Variants in MDGA2 observed in about 807,000 individuals in gnomAD.
MDGA2 encodes MAM domain-containing glycosylphosphatidylinositol anchor protein 2.
In MDGA2, 40 loss-of-function variants were observed where a neutral mutation model predicts 117.8. The observed-to-expected ratio is 0.34, with a 90% CI of 0.26 to 0.44. The LOEUF is 0.44. Ranked by LOEUF, MDGA2 falls within the 20% of genes least tolerant of loss-of-function variation. The pLI is 1.00. For missense variants in MDGA2, 1,123 were observed against 1,250.6 expected (o/e 0.90, Z 1.54); for synonymous variants, 452 against 439.0 (o/e 1.03, Z -0.37).
At chr14:47,519,930 T>C (rs761849951) in intron 1 of MDGA2, among the ~76,000 whole-genome samples, 8 of 152,208 alleles carry the variant, frequency 5.3e-5, no homozygotes, top group African/African-American at 9.7e-5. Context: ...TGTTTCTTGA[T>C]AATAAACTCT....
intron 2 of MDGA2, among the ~76,000 whole-genome samples, chr14:47,245,017 T>C (rs1207165613): frequency 6.6e-6 from 1 of 151,700 alleles, no homozygotes; most frequent in East Asian, 1.9e-4. Context: ...TCTCTTTTCA[T>C]TTCTTTTTTT....
At chr14:46,888,718 T>G (rs1882762913) in intron 10 of MDGA2, among the ~76,000 whole-genome samples, 1 of 151,698 alleles carries the variant, frequency 6.6e-6, no homozygotes, top group Admixed American at 6.6e-5. Flanking sequence ...TCCTCTTTTT[T>G]TTTTTTCTTG....
At chr14:47,482,407 C>T (rs1265920229) in intron 1 of MDGA2, among the ~76,000 whole-genome samples, 1 of 152,100 alleles carries the variant, frequency 6.6e-6, no homozygotes, top group African/African-American at 2.4e-5. Flanking sequence ...CTGGAGGAAA[C>T]ACCAAACGGA....
At chr14:46,969,191 C>A (rs141312822) in intron 8 of MDGA2, among the ~76,000 whole-genome samples, 17,932 of 152,026 alleles carry the variant, frequency 0.12, 2,000 homozygotes, top group African/African-American at 0.27. Context: ...GCTATTGTGA[C>A]TATTGCCGCA....
intron 2 of MDGA2, among the ~76,000 whole-genome samples, chr14:47,228,212 T>TA (rs1053479353): frequency 7.9e-5 from 12 of 152,230 alleles, no homozygotes; most frequent in Admixed American, 2.6e-4. Context: ...ACATGTTTCA[T>TA]AACTTGAAAA....
At position 46,877,490 on chromosome 14, in the gene MDGA2, C is replaced by T; in HGVS notation, c.2436G>A (p.Leu812=). The T allele has an allele frequency of 6.7e-7, 1 of 1,488,984 alleles. No homozygotes were observed. Among genetic ancestry groups the T allele is most frequent in the Non-Finnish European group, 9.2e-7 (1 of 1,087,702 alleles). The allele number at this position is 1,488,984 out of a possible 1,614,324, so 92.2% of individuals were successfully genotyped here. The change falls in exon 12 of 17, where the codon TTG becomes TTA. Residue 812 remains leucine (L), a splice_region_variant and synonymous_variant. Coordinates refer to ENST00000399232, the MANE Select transcript of MDGA2 (RefSeq NM_001113498.3). ...IKYSAPVNPH[L]REFHCGFEDG... is the part of the protein sequence containing the mutation. ...TTTTGTAAGTTAAAATATACTTACT[C>T]AAATGAGGATTTACAGGAGCTACAA...
chr14:47,506,603 G>A (rs1166087336), intron 1 of MDGA2, among the ~76,000 whole-genome samples: 1 of 152,212 alleles, frequency 6.6e-6, no homozygotes, highest in African/African-American at 2.4e-5. Flanking sequence ...TTCCAGGCCT[G>A]TCCTGTGCTG....
chr14:47,586,773 A>T lies in MDGA2; in HGVS notation c.280+87744T>A, dbSNP rs77999245. 6.2e-3 allele frequency among the ~76,000 whole-genome samples: 941 copies of T among 152,044 alleles called. 10 individuals carry two copies. Among genetic ancestry groups the T allele is most frequent in the African/African-American group, 0.02 (848 of 41,522 alleles). ...CAGAAGCTTGCAGGAGGACAGCAAC[A>T]TAAGGAAATTGAGTACCTAGCAGAC... On this transcript the variant is annotated intron_variant, in intron 1 of 16. Coordinates refer to ENST00000399232, the MANE Select transcript of MDGA2 (RefSeq NM_001113498.3).
At chr14:47,359,058 T>A (rs377248858) in intron 1 of MDGA2, among the ~76,000 whole-genome samples, 70 of 152,248 alleles carry the variant, frequency 4.6e-4, no homozygotes, top group Middle Eastern at 3.4e-3. Context: ...ATGTCCTAAT[T>A]TTAAATTATA....
At chr14:47,001,000 C>G (rs35594631) in intron 8 of MDGA2, among the ~76,000 whole-genome samples, 19,591 of 151,852 alleles carry the variant, frequency 0.13, 1,356 homozygotes, top group Admixed American at 0.21. Context: ...ATCATCAGCC[C>G]AAGATGTGGA....
intron 5 of MDGA2, among the ~76,000 whole-genome samples, chr14:47,128,849 C>G (rs1882039806): frequency 6.6e-6 from 1 of 151,884 alleles, no homozygotes; most frequent in Admixed American, 6.6e-5. Flanking sequence ...CGCCTGCCAC[C>G]ATGCCCGGCT....
rs75614439 is a variant in MDGA2, at chr14:47,650,260, C to T, written c.280+24257G>A. Among the ~76,000 whole-genome samples the T allele has an allele frequency of 2.9e-4, 44 of 152,296 alleles. No individual in the cohort carries two copies. In the East Asian group the frequency reaches 8.1e-3, roughly 28 times the overall value. On this transcript the variant is annotated intron_variant, in intron 1 of 16. Transcript: ENST00000399232. ...TTAGGCTGGAACTACGTCCTCAGCT[C>T]TCCTGGGTCTCCACTTTGCCAGCTG... is the stretch of plus-strand genomic sequence containing the variant.
At chr14:47,335,279 T>A (rs1230039984) in intron 1 of MDGA2, among the ~76,000 whole-genome samples, 15 of 94,380 alleles carry the variant, frequency 1.6e-4, no homozygotes, top group Admixed American at 2.1e-4. Flanking sequence ...AAAAAAAGTA[T>A]ATGGTAAAAA....
chr14:47,336,044 G>A (rs938145833), intron 1 of MDGA2, among the ~76,000 whole-genome samples: 3 of 151,634 alleles, frequency 2.0e-5, no homozygotes, highest in African/African-American at 7.3e-5. Flanking sequence ...TGAGTGTGAA[G>A]CCCTAGAAAG....
intron 14 of MDGA2, among the ~76,000 whole-genome samples, chr14:46,872,564 T>G (rs1882051328): frequency 6.6e-6 from 1 of 151,938 alleles, no homozygotes; most frequent in Non-Finnish European, 1.5e-5. Context: ...TTATATCATG[T>G]GATATCTTCT....
intron 1 of MDGA2, among the ~76,000 whole-genome samples, chr14:47,397,355 G>A (rs963828704): frequency 6.6e-6 from 1 of 152,104 alleles, no homozygotes; most frequent in African/African-American, 2.4e-5. Context: ...GGGAGGGATA[G>A]CATTAGGAGA....
intron 1 of MDGA2, among the ~76,000 whole-genome samples, chr14:47,473,253 T>C (rs1893766421): frequency 1.3e-5 from 2 of 152,282 alleles, no homozygotes; most frequent in Admixed American, 6.5e-5. Context: ...CTAATTCCAC[T>C]CATTTTGAGT....
intron 2 of MDGA2, among the ~76,000 whole-genome samples, chr14:47,293,566 TAA>T (rs1008635647): frequency 5.3e-5 from 8 of 152,170 alleles, no homozygotes; most frequent in African/African-American, 4.8e-5. Context: ...TTATAATTAT[TAA>T]GTTTGTAAAT....
rs77364271 is a variant in MDGA2, at chr14:47,629,538, G to T, written c.280+44979C>A. 3.9e-3 allele frequency among the ~76,000 whole-genome samples: 594 copies of T among 152,248 alleles called. 4 individuals are homozygous for T. The highest frequency in any genetic ancestry group is 0.013 in the African/African-American group (553 of 41,558). On this transcript the variant is annotated intron_variant, in intron 1 of 16. Transcript: ENST00000399232. ...GGAGATCTTCCATATAAAGGCATTG[G>T]TTCAGAGAGTAAGTACTGGAGAATG...
Sources: allele counts gnomAD v4.1 joint callset (sites outside exome capture counted in the v4.1 genomes callset), GRCh38; gene constraint gnomAD v4.1.1; transcripts MANE v1.5; gene names NCBI Gene and HGNC (gene_info 2026-07-23, HGNC 2026-07-21).